ADCY1: variants seen among roughly 807,000 people sequenced by gnomAD.
ADCY1 encodes adenylate cyclase type 1.
ADCY1 carries 28 observed loss-of-function variants against 105.4 expected under a neutral mutation model. The ratio of observed to expected loss-of-function variants is 0.27; its 90% confidence interval spans 0.20 to 0.36. The LOEUF (loss-of-function observed/expected upper bound fraction) is 0.36. Among genes scored for constraint, ADCY1 ranks in the 10% least tolerant of loss-of-function variants. The pLI, the probability that ADCY1 is intolerant of heterozygous loss-of-function variation, is 1.00. For missense variants in ADCY1, 977 were observed against 1,434.2 expected (o/e 0.68, Z 5.15); for synonymous variants, 655 against 623.8 (o/e 1.05, Z -0.75).
At chr7:45,621,413 A>C (rs1449851287) in intron 3 of ADCY1, among the ~76,000 whole-genome samples, 1 of 152,212 alleles carries the variant, frequency 6.6e-6, no homozygotes, top group East Asian at 1.9e-4. Context: ...GAGCAATGCC[A>C]GCACATATAG....
At chr7:45,588,241 G>A (rs907094366) in intron 1 of ADCY1, among the ~76,000 whole-genome samples, 1 of 152,104 alleles carries the variant, frequency 6.6e-6, no homozygotes, top group African/African-American at 2.4e-5. Flanking sequence ...CATCATTTGT[G>A]TGTGTGCGTG....
chr7:45,691,960 T>C (rs1317084488), intron 14 of ADCY1, among the ~76,000 whole-genome samples: 1 of 152,220 alleles, frequency 6.6e-6, no homozygotes, highest in Non-Finnish European at 1.5e-5. Context: ...TCATGCTTCT[T>C]GGACCCTGAA....
At chr7:45,645,491 C>T (rs2116045364) in intron 4 of ADCY1, among the ~76,000 whole-genome samples, 1 of 152,228 alleles carries the variant, frequency 6.6e-6, no homozygotes, top group South Asian at 2.1e-4. Flanking sequence ...TGCCTTTTAC[C>T]CTGGAGGCCC....
At chr7:45,660,540 G>A (rs1215193878) in intron 7 of ADCY1, among the ~76,000 whole-genome samples, 1 of 152,228 alleles carries the variant, frequency 6.6e-6, no homozygotes, top group Non-Finnish European at 1.5e-5. Flanking sequence ...AGGGGTGCTG[G>A]GCACAGAGGT....
Position 45,719,579 on chromosome 7 carries a change from A to G in ADCY1, c.*5584A>G, listed in dbSNP as rs1305749974. The G allele has an allele frequency of 6.6e-6, 1 of 152,238 alleles. No homozygotes were observed. Among genetic ancestry groups the G allele is most frequent in the African/African-American group, 2.4e-5 (1 of 41,468 alleles). The allele number at this position is 152,238 out of a possible 1,614,324, so 9.4% of individuals were successfully genotyped here. On this transcript the variant is annotated 3_prime_UTR_variant, in exon 20 of 20. Coordinates refer to ENST00000297323, the MANE Select transcript of ADCY1 (RefSeq NM_021116.4). ...CATATGAAGTCTGTTTCACTACCTT[A>G]AAAAATAGATACTCCACTAGAGGCT...
At chr7:45,620,776 A>C (rs1210447498) in intron 3 of ADCY1, among the ~76,000 whole-genome samples, 8 of 152,218 alleles carry the variant, frequency 5.3e-5, no homozygotes, top group African/African-American at 1.7e-4. Context: ...AAGGCAGTGG[A>C]ATGGCATGTT....
intron 1 of ADCY1, among the ~76,000 whole-genome samples, chr7:45,587,701 G>A (rs1341246052): frequency 1.3e-5 from 2 of 152,148 alleles, no homozygotes; most frequent in African/African-American, 4.8e-5. Context: ...CACGAGTGGT[G>A]TCTAGCATGA....
At chr7:45,616,163 A>G (rs925083211) in intron 3 of ADCY1, among the ~76,000 whole-genome samples, 5 of 152,242 alleles carry the variant, frequency 3.3e-5, no homozygotes, top group African/African-American at 1.2e-4. Context: ...ACAGACCTAT[A>G]TATAGTATGG....
At chr7:45,654,877 G>A (rs910511097) in intron 5 of ADCY1, among the ~76,000 whole-genome samples, 5 of 152,158 alleles carry the variant, frequency 3.3e-5, no homozygotes, top group African/African-American at 9.7e-5. Context: ...GTCCTAGGTA[G>A]GGAAGGGAGG....
At chr7:45,604,838 A>G (rs1238698232) in intron 2 of ADCY1, among the ~76,000 whole-genome samples, 1 of 152,136 alleles carries the variant, frequency 6.6e-6, no homozygotes. Flanking sequence ...TGTTAGAATA[A>G]TTTTGTCTAT....
In ADCY1 at chr7:45,722,944, T is replaced by C. The variant is rs931575080; in HGVS notation, c.*8949T>C. On this transcript the variant is annotated 3_prime_UTR_variant, in exon 20 of 20. Transcript: ENST00000297323. ...TCCAGTCTTTTTCAAGATTGTTAAATTGAGACAAGTAATTGAATAATTTGT... is the reference window on the plus strand; with the variant it reads ...TCCAGTCTTTTTCAAGATTGTTAAACTGAGACAAGTAATTGAATAATTTGT... 6.6e-6 allele frequency: 1 copy of C among 152,644 alleles called. No individual in the cohort carries two copies. The highest frequency in any genetic ancestry group is 2.1e-4 in the South Asian group (1 of 4,828). The allele number at this position is 152,644 out of a possible 1,614,324, so 9.5% of individuals were successfully genotyped here. A position where few individuals can be genotyped will look rare whatever the true frequency, so the allele number is the denominator to read the frequency against.
chr7:45,686,786 G>T lies in ADCY1; in HGVS notation c.2454+113G>T. 1 of 1,431,040 alleles carries T rather than the reference G, an allele frequency of 7.0e-7. No homozygotes were observed. The highest frequency in any genetic ancestry group is 9.3e-7 in the Non-Finnish European group (1 of 1,080,764). The allele number at this position is 1,431,040 out of a possible 1,614,324, so 88.6% of individuals were successfully genotyped here. A position where few individuals can be genotyped will look rare whatever the true frequency, so the allele number is the denominator to read the frequency against. Reference sequence around the variant, plus strand: ...ACACCCACACGCCGTATGGCCCTCGGAGGGCCCTCCTCAGCAGCATGCAAG... The same window carrying T: ...ACACCCACACGCCGTATGGCCCTCGTAGGGCCCTCCTCAGCAGCATGCAAG... On this transcript the variant is annotated intron_variant, in intron 14 of 19. Transcript: ENST00000297323. The surrounding 1 kb of genome is among the most constrained non-coding windows in gnomAD (Gnocchi z 4.3).
chr7:45,595,305 G>A (rs1290050221), intron 2 of ADCY1, among the ~76,000 whole-genome samples: 15 of 152,180 alleles, frequency 9.9e-5, no homozygotes, highest in Non-Finnish European at 1.5e-5. Flanking sequence ...AGGTGGGAAA[G>A]CCCCTAGGGT....
At chr7:45,579,259 C>T (rs995342450) in intron 1 of ADCY1, among the ~76,000 whole-genome samples, 2 of 152,146 alleles carry the variant, frequency 1.3e-5, no homozygotes, top group African/African-American at 4.8e-5. Context: ...CTTTGTGTGC[C>T]CTGTGCCCAC....
chr7:45,713,892 G>A lies in ADCY1; in HGVS notation c.3257G>A (p.Arg1086His), dbSNP rs1162359516. 2.6e-6 allele frequency: 2 copies of A among 780,670 alleles called. No individual in the cohort carries two copies. Among genetic ancestry groups the A allele is most frequent in the Admixed American group, 3.4e-5 (2 of 59,044 alleles). 48.4% of individuals were successfully genotyped at this position (780,670 alleles called of 1,614,324 possible). ...PFGRAGLQGR[R>H]PPVCPMPGVS... is the part of the protein sequence containing the mutation. ...GGGAGAGCTGGCCTTCAGGGCAGAC[G>A]TCCCCCCGTGTGCCCCATGCCTGGC... The change falls in exon 20 of 20, where the codon CGT becomes CAT. Residue 1086 changes from arginine to histidine, a missense_variant. By Grantham distance (29) the Arg-to-His change is conservative (BLOSUM62 0). Coordinates refer to ENST00000297323, the MANE Select transcript of ADCY1 (RefSeq NM_021116.4).
In ADCY1 at chr7:45,708,530, G is replaced by C. The variant is rs542059894; in HGVS notation, c.2932+66G>C. ...ACCTTCCTACACCCACCTAGGGGTG[G>C]GATCAGCTGATGAGGTACCCTGGTC... On this transcript the variant is annotated intron_variant, in intron 18 of 19. Coordinates refer to ENST00000297323, the MANE Select transcript of ADCY1 (RefSeq NM_021116.4). This position sits in a 1 kb window ranked among gnomAD's most constrained non-coding sequence, Gnocchi z 4.7. 4.7e-6 allele frequency: 6 copies of C among 1,279,576 alleles called. No individual in the cohort carries two copies. In the South Asian group the frequency reaches 6.3e-5, roughly 13 times the overall value. 79.3% of individuals were successfully genotyped at this position (1,279,576 alleles called of 1,614,324 possible). A position where few individuals can be genotyped will look rare whatever the true frequency, so the allele number is the denominator to read the frequency against.
Position 45,653,157 on chromosome 7 carries a change from A to G in ADCY1, c.1148+4360A>G, listed in dbSNP as rs76498226. ...TGAAGATGGGATGAGAAGTATCCTA[A>G]CTGTCCAGTGAGTTTGGTGACTGTG... On this transcript the variant is annotated intron_variant, in intron 5 of 19. Transcript: ENST00000297323. Among the ~76,000 whole-genome samples the G allele has an allele frequency of 5.4e-3, 822 of 152,302 alleles. 4 individuals are homozygous for G. Among genetic ancestry groups the G allele is most frequent in the African/African-American group, 0.019 (771 of 41,556 alleles).
At chr7:45,613,541 T>A (rs1793648453) in intron 3 of ADCY1, among the ~76,000 whole-genome samples, 1 of 152,026 alleles carries the variant, frequency 6.6e-6, no homozygotes, top group Non-Finnish European at 1.5e-5. Flanking sequence ...CACATACACA[T>A]TATATATATA....
intron 1 of ADCY1, among the ~76,000 whole-genome samples, chr7:45,576,323 G>C (rs1282252873): frequency 6.6e-6 from 1 of 151,746 alleles, no homozygotes; most frequent in Non-Finnish European, 1.5e-5. Flanking sequence ...TCCTTAGACT[G>C]TGATGCCAGG....
Sources: allele counts gnomAD v4.1 joint callset (sites outside exome capture counted in the v4.1 genomes callset), GRCh38; gene constraint gnomAD v4.1.1; non-coding constraint Gnocchi (gnomAD v3.1); transcripts MANE v1.5; gene names NCBI Gene and HGNC (gene_info 2026-07-23, HGNC 2026-07-21).